NIBAN3: variants seen among roughly 807,000 people sequenced by gnomAD.
NIBAN3 encodes the protein protein Niban 3.
A neutral mutation model predicts 76.4 loss-of-function variants in NIBAN3; 66 were observed. The observed-to-expected ratio is 0.86, with a 90% CI of 0.71 to 1.06. NIBAN3 has a LOEUF of 1.06. Ranked by LOEUF, NIBAN3 falls within the 50% of genes least tolerant of loss-of-function variation. The pLI is 0.00. For missense variants in NIBAN3, 808 were observed against 810.7 expected (o/e 1.00, Z 0.04); for synonymous variants, 360 against 355.2 (o/e 1.01, Z -0.15).
intron 5 of NIBAN3, among the ~76,000 whole-genome samples, chr19:17,537,763 T>G (rs2144714129): frequency 6.6e-6 from 1 of 151,952 alleles, no homozygotes; most frequent in Admixed American, 6.6e-5. Context: ...CTGGACAACA[T>G]GGCGAAATCC....
Position 17,530,861 on chromosome 19 carries a change from C to A in NIBAN3, c.162C>A (p.Thr54=), listed in dbSNP as rs185897431. The change falls in exon 2 of 15, where the codon ACC becomes ACA. Residue 54 remains threonine, a synonymous_variant. Coordinates refer to ENST00000599164, the MANE Select transcript of NIBAN3 (RefSeq NM_001321827.2). ...GAGAGCTGGGCCCTCAGGAGCCGAC[C>A]GGAAGCCAGTTGCTACGCAGCAAAG... ...ISRELGPQEP[T]GSQLLRSKKL... 4.3e-6 allele frequency: 7 copies of A among 1,613,282 alleles called. No homozygotes were observed. The East Asian group carries it at 1.1e-4, about 26-fold the overall frequency.
intron 1 of NIBAN3, among the ~76,000 whole-genome samples, chr19:17,530,118 C>A (rs1568441827): frequency 6.6e-6 from 1 of 151,442 alleles, no homozygotes; most frequent in Non-Finnish European, 1.5e-5. Flanking sequence ...TCAAGACCAG[C>A]CTGAGCAACA....
intron 8 of NIBAN3, 61 bp from the exon 9 acceptor site, chr19:17,540,331 A>G (rs2144730978): frequency 7.7e-7 from 1 of 1,293,654 alleles, no homozygotes; most frequent in Non-Finnish European, 1.0e-6. Context: ...GGGCCCCTGC[A>G]CATCCCCATC....
Position 17,539,235 on chromosome 19 carries a change from C to T in NIBAN3, c.681C>T (p.Asp227=), listed in dbSNP as rs1461565518. Residue 227 remains aspartate (D), a synonymous_variant, in exon 6 of 15, where the codon GAC becomes GAT. Coordinates refer to ENST00000599164, the MANE Select transcript of NIBAN3 (RefSeq NM_001321827.2). ...GGCAGCACCAAGGCCACTTTGGCGA[C>T]GACGACGTGACCCTAGGCTCAGACG... ...LYRQHQGHFG[D]DDVTLGSDAE... 3.1e-6 allele frequency: 5 copies of T among 1,607,998 alleles called. No individual in the cohort carries two copies. The highest frequency in any genetic ancestry group is 4.2e-6 in the Non-Finnish European group (5 of 1,177,568).
chr19:17,528,823 C>A (rs1184652049), intron 1 of NIBAN3, among the ~76,000 whole-genome samples: 2 of 152,016 alleles, frequency 1.3e-5, no homozygotes, highest in Non-Finnish European at 2.9e-5. Context: ...ACATTCCATG[C>A]AGCAGCATGG....
chr19:17,537,237 T>C, intron 4 of NIBAN3, 139 bp from the exon 5 acceptor site: 2 of 897,758 alleles, frequency 2.2e-6, no homozygotes, highest in Non-Finnish European at 3.5e-6. Flanking sequence ...GCTGTTGGAA[T>C]AAGGATGGTG....
intron 13 of NIBAN3, among the ~76,000 whole-genome samples, chr19:17,547,251 G>A (rs1346436159): frequency 6.6e-6 from 1 of 151,038 alleles, no homozygotes; most frequent in Non-Finnish European, 1.5e-5. Context: ...CTACTCGGGA[G>A]GCTGAGGCAG....
Position 17,553,466 on chromosome 19 carries a change from G to T in NIBAN3, c.*1568G>T, listed in dbSNP as rs200699370. On this transcript the variant is annotated 3_prime_UTR_variant, in exon 15 of 15. Transcript: ENST00000599164. ...CGGAGTGGGTTCCACAGGGATTCCC[G>T]TGTGTTCTTGGTTCAGCTTGCAGAG... 6.2e-6 allele frequency: 10 copies of T among 1,614,142 alleles called. No individual in the cohort carries two copies. The highest frequency in any genetic ancestry group is 5.0e-5 in the Admixed American group (3 of 60,004).
chr19:17,525,337 T>C (rs144830701), upstream of NIBAN3, among the ~76,000 whole-genome samples: 2 of 120,004 alleles, frequency 1.7e-5, no homozygotes, highest in Non-Finnish European at 1.7e-5. Flanking sequence ...GTCCCTCCCT[T>C]CATTCATTCA....
At chr19:17,543,698 G>A (rs1450426923) in intron 12 of NIBAN3, 67 bp downstream of exon 12, 2 of 1,384,312 alleles carry the variant, frequency 1.4e-6, no homozygotes, top group African/African-American at 2.8e-5. Context: ...AAGTGGGCAA[G>A]AATGCTCTTT....
chr19:17,543,550 G>T lies in NIBAN3; in HGVS notation c.1473G>T (p.Ala491=), dbSNP rs557951637. Reference sequence around the variant, plus strand: ...AATTCAAATCGGACAGCGGGTTGGCGCAGAGGAGGTTCATCCGAGGCTGGG... The same window carrying T: ...AATTCAAATCGGACAGCGGGTTGGCTCAGAGGAGGTTCATCCGAGGCTGGG... ...LKKFKSDSGL[A]QRRFIRGWGL... Residue 491 remains alanine (A), a synonymous_variant, in exon 12 of 15, where the codon GCG becomes GCT. Transcript: ENST00000599164. The T allele has an allele frequency of 1.9e-6, 3 of 1,614,186 alleles. No homozygotes were observed. The highest frequency in any genetic ancestry group is 3.3e-5 in the Admixed American group (2 of 59,996).
At chr19:17,523,397 T>C, upstream of NIBAN3, 1 of 1,538,300 alleles carries the variant, frequency 6.5e-7, no homozygotes, top group Non-Finnish European at 8.8e-7. Context: ...CTTCAACGTC[T>C]TGTCCCGGCA....
chr19:17,540,441 G>A lies in NIBAN3; in HGVS notation c.1029G>A (p.Pro343=), dbSNP rs2075925336. ...CGTGCCTGCGCCGGGAGGTGGACCC[G>A]CAGCTGCCCCGGGTCGTGCAGACCC... is the stretch of plus-strand genomic sequence containing the variant. ...LESCLRREVD[P]QLPRVVQTLL... The change falls in exon 9 of 15, where the codon CCG becomes CCA. Residue 343 remains proline (P), a synonymous_variant. Coordinates refer to ENST00000599164, the MANE Select transcript of NIBAN3 (RefSeq NM_001321827.2). 5 of 1,548,068 alleles carry A rather than the reference G, an allele frequency of 3.2e-6. No homozygotes were observed. Among genetic ancestry groups the A allele is most frequent in the East Asian group, 2.4e-5 (1 of 41,174 alleles).
At position 17,537,520 on chromosome 19, in the gene NIBAN3, G is replaced by A; in HGVS notation, c.572G>A (p.Gly191Asp). 6.2e-7 allele frequency: 1 copy of A among 1,603,902 alleles called. No individual in the cohort carries two copies. The highest frequency in any genetic ancestry group is 8.5e-7 in the Non-Finnish European group (1 of 1,177,356). The part of the protein sequence containing the change: ...AQHAWRLALQ[G>D]GIRLQGIVLQ... The stretch of plus-strand genomic sequence containing the variant: ...CATGCCTGGAGGCTGGCCCTGCAGG[G>A]TGGCATCCGGCTTCAGGGCATAGGT... Residue 191 changes from glycine to aspartate, a missense_variant, in exon 5 of 15, where the codon GGT (glycine) becomes GAT (aspartate). Physicochemically the swap from Gly to Asp is moderately conservative, Grantham distance 94 (BLOSUM62 -1). Transcript: ENST00000599164.
Position 17,553,332 on chromosome 19 carries a change from G to C in NIBAN3, c.*1434G>C, listed in dbSNP as rs575613569. 6.2e-7 allele frequency: 1 copy of C among 1,613,722 alleles called. No individual in the cohort carries two copies. The highest frequency in any genetic ancestry group is 2.2e-5 in the East Asian group (1 of 44,882). On this transcript the variant is annotated 3_prime_UTR_variant, in exon 15 of 15. Transcript: ENST00000599164. The stretch of plus-strand genomic sequence containing the variant: ...TCCTAGCTCCAAATCTTAACTTGGT[G>C]TCAAGTTTCCTGGCTGGGAGACAAG...
rs1389029083 is a variant in NIBAN3 at position 17,532,348 on chromosome 19, T to C, written c.272T>C (p.Leu91Pro). The change falls in exon 3 of 15, where the codon CTG becomes CCG. Residue 91 changes from leucine (L) to proline (P), a missense_variant. Coordinates refer to ENST00000599164, the MANE Select transcript of NIBAN3 (RefSeq NM_001321827.2). ...CGGTGGCAGCCGATCTTCTGTGTTCTGCGTGGGGACGGCCGCCTAGAGTGG... is the reference window on the plus strand; with the variant it reads ...CGGTGGCAGCCGATCTTCTGTGTTCCGCGTGGGGACGGCCGCCTAGAGTGG... ...PPRWQPIFCV[L>P]RGDGRLEWFS... The C allele has an allele frequency of 5.0e-6, 8 of 1,614,064 alleles. No individual in the cohort carries two copies. Among genetic ancestry groups the C allele is most frequent in the African/African-American group, 1.3e-5 (1 of 74,932 alleles).
At chr19:17,541,368 A>G (rs1466143966) in intron 9 of NIBAN3, among the ~76,000 whole-genome samples, 2 of 152,050 alleles carry the variant, frequency 1.3e-5, no homozygotes, top group Admixed American at 6.6e-5. Context: ...GGTCCCCTCT[A>G]TGTCTTGCAG....
intron 12 of NIBAN3, chr19:17,545,296 G>C (rs2076031963): frequency 6.4e-6 from 1 of 155,304 alleles, no homozygotes; most frequent in African/African-American, 2.4e-5. Context: ...CCACCTCCTA[G>C]GTTCAAGCGA....
At chr19:17,546,026 G>T (rs967824640) in intron 12 of NIBAN3, 15 of 419,798 alleles carry the variant, frequency 3.6e-5, no homozygotes, top group Admixed American at 3.0e-4. Flanking sequence ...CTTCCCAGAC[G>T]CTGGCGTCAC....
Sources: allele counts gnomAD v4.1 joint callset (sites outside exome capture counted in the v4.1 genomes callset), GRCh38; gene constraint gnomAD v4.1.1; transcripts MANE v1.5; gene names NCBI Gene and HGNC (gene_info 2026-07-23, HGNC 2026-07-21).